HECW1: variants seen among roughly 807,000 people sequenced by gnomAD.
The protein encoded by HECW1 is E3 ubiquitin-protein ligase HECW1.
In HECW1, 61 loss-of-function variants were observed where a neutral mutation model predicts 182.3. The observed-to-expected ratio is 0.33, with a 90% CI of 0.27 to 0.41. The LOEUF (loss-of-function observed/expected upper bound fraction) is 0.41. Among genes scored for constraint, HECW1 ranks in the 10% least tolerant of loss-of-function variants. The pLI is 1.00. For missense variants in HECW1, 1,739 were observed against 2,108.9 expected, an observed-to-expected ratio of 0.82 and a Z score of 3.44; for synonymous variants, 859 against 832.6, an observed-to-expected ratio of 1.03 and a Z score of -0.55.
At chr7:43,128,318 C>T (rs368193410) in intron 2 of HECW1, among the ~76,000 whole-genome samples, 6 of 152,310 alleles carry the variant, frequency 3.9e-5, no homozygotes, top group African/African-American at 1.2e-4. Flanking sequence ...GGGGCTAATG[C>T]AGCTGGTGAC....
At position 43,563,881 on chromosome 7, in the gene HECW1, A is replaced by G. The variant is rs2082272285; in HGVS notation, c.*1955A>G. On this transcript the variant is annotated 3_prime_UTR_variant, in exon 30 of 30. Coordinates refer to ENST00000395891, the MANE Select transcript of HECW1 (RefSeq NM_015052.5). ...GAGACACCATCTAAAAAAAAAATAAATAAAAATAAAAGCATTTTTTTAGTA... is the reference window on the plus strand; with the variant it reads ...GAGACACCATCTAAAAAAAAAATAAGTAAAAATAAAAGCATTTTTTTAGTA... 2 of 181,936 alleles carry G rather than the reference A, an allele frequency of 1.1e-5. No individual in the cohort carries two copies. Among genetic ancestry groups the G allele is most frequent in the Admixed American group, 6.3e-5 (1 of 15,958 alleles). The allele number at this position is 181,936 out of a possible 1,614,324, so 11.3% of individuals were successfully genotyped here. A position where few individuals can be genotyped will look rare whatever the true frequency, so the allele number is the denominator to read the frequency against.
intron 2 of HECW1, among the ~76,000 whole-genome samples, chr7:43,236,425 C>T (rs546233949): frequency 2.6e-5 from 4 of 152,272 alleles, no homozygotes; most frequent in South Asian, 2.1e-4. Flanking sequence ...GCACTCCTGA[C>T]GGTGTCAGGT....
intron 24 of HECW1, among the ~76,000 whole-genome samples, chr7:43,520,345 C>T (rs376850601): frequency 2.0e-5 from 3 of 152,256 alleles, no homozygotes; most frequent in South Asian, 4.1e-4. Flanking sequence ...CTGGACTCCT[C>T]GGATTCTCAG....
rs185325548 is a variant in HECW1, at chr7:43,223,356, G to T, written c.-31-20519G>T. Among the ~76,000 whole-genome samples, 229 of 152,280 alleles carry T rather than the reference G, an allele frequency of 1.5e-3. 2 individuals are homozygous for T. The highest frequency in any genetic ancestry group is 5.3e-3 in the African/African-American group (222 of 41,558). ...GTCAAGGCCAGGCGCCATGGCTCAC[G>T]CCTGTAATCCCAACACTTTGGGAGG... On this transcript the variant is annotated intron_variant, in intron 2 of 29. Transcript: ENST00000395891.
intron 3 of HECW1, among the ~76,000 whole-genome samples, chr7:43,281,391 A>G (rs546320482): frequency 6.6e-6 from 1 of 152,366 alleles, no homozygotes; most frequent in African/African-American, 2.4e-5. Context: ...GCCAAGCTCT[A>G]TACATGAATT....
intron 16 of HECW1, among the ~76,000 whole-genome samples, chr7:43,473,085 A>G (rs1460304187): frequency 6.6e-6 from 1 of 152,200 alleles, no homozygotes. Flanking sequence ...CCTTGCAGCA[A>G]TGAGTGAGTT....
Position 43,432,361 on chromosome 7 carries a change from G to A in HECW1, c.802-5642G>A, listed in dbSNP as rs889951033. Among the ~76,000 whole-genome samples, 6 of 151,574 alleles carry A rather than the reference G, an allele frequency of 4.0e-5. No homozygotes were observed. The highest frequency in any genetic ancestry group is 2.0e-4 in the Admixed American group (3 of 15,232). ...TCACCGTTTTAGCCGGGATGGTCTCGATCTCCTGACCTCGTGATCCGCCCG... is the reference window on the plus strand; with the variant it reads ...TCACCGTTTTAGCCGGGATGGTCTCAATCTCCTGACCTCGTGATCCGCCCG... On this transcript the variant is annotated intron_variant, in intron 8 of 29. Transcript: ENST00000395891. The surrounding 1 kb of genome is among the most constrained non-coding windows in gnomAD (Gnocchi z 4.1).
intron 2 of HECW1, among the ~76,000 whole-genome samples, chr7:43,218,838 C>A (rs1796681167): frequency 6.6e-6 from 1 of 152,084 alleles, no homozygotes; most frequent in South Asian, 2.1e-4. Flanking sequence ...GATAAAATGA[C>A]ACGGACACAC....
intron 8 of HECW1, among the ~76,000 whole-genome samples, chr7:43,410,047 G>A (rs2075747821): frequency 6.6e-6 from 1 of 152,150 alleles, no homozygotes; most frequent in African/African-American, 2.4e-5. Context: ...CAGCTCTCCG[G>A]GCCTGCCACT....
At chr7:43,173,209 T>C (rs1791861707) in intron 2 of HECW1, among the ~76,000 whole-genome samples, 1 of 152,220 alleles carries the variant, frequency 6.6e-6, no homozygotes, top group Admixed American at 6.5e-5. Flanking sequence ...CTGAGTCACC[T>C]GCAAATGGTG....
chr7:43,354,127 A>G (rs895903747), intron 5 of HECW1, among the ~76,000 whole-genome samples: 1 of 152,166 alleles, frequency 6.6e-6, no homozygotes, highest in Non-Finnish European at 1.5e-5. Flanking sequence ...AGTAGGGGAA[A>G]AAAAAGAAAG....
intron 2 of HECW1, among the ~76,000 whole-genome samples, chr7:43,162,466 C>T (rs1360263852): frequency 2.6e-5 from 4 of 152,226 alleles, no homozygotes; most frequent in East Asian, 1.9e-4. Flanking sequence ...CTCTGTCTCT[C>T]CTCTGCGTGT....
intron 2 of HECW1, among the ~76,000 whole-genome samples, chr7:43,240,533 G>A (rs189929776): frequency 1.3e-5 from 2 of 152,294 alleles, no homozygotes; most frequent in East Asian, 3.9e-4. Flanking sequence ...GGTCTGAAGG[G>A]TAACGTGCTT....
intron 12 of HECW1, among the ~76,000 whole-genome samples, chr7:43,454,852 G>A (rs2077348307): frequency 6.6e-6 from 1 of 152,222 alleles, no homozygotes; most frequent in African/African-American, 2.4e-5. Flanking sequence ...TGAAAAGGCT[G>A]GATGGTTTTC....
intron 9 of HECW1, chr7:43,440,228 C>G (rs574561412): frequency 6.5e-6 from 1 of 152,870 alleles, no homozygotes; most frequent in Non-Finnish European, 1.5e-5. Context: ...CATGCTCTCC[C>G]CATAAAGCCC....
intron 2 of HECW1, among the ~76,000 whole-genome samples, chr7:43,231,690 T>C (rs1409110917): frequency 1.3e-5 from 2 of 152,060 alleles, no homozygotes; most frequent in Non-Finnish European, 1.5e-5. Flanking sequence ...GGTGGCAGCA[T>C]TGAGGAGGGC....
chr7:43,136,054 C>T (rs964987247), intron 2 of HECW1, among the ~76,000 whole-genome samples: 20 of 151,458 alleles, frequency 1.3e-4, no homozygotes, highest in Admixed American at 1.1e-3. Flanking sequence ...GAATTGCACT[C>T]CCTATCTGTA....
chr7:43,131,407 C>G (rs1488022255), intron 2 of HECW1, among the ~76,000 whole-genome samples: 1 of 152,162 alleles, frequency 6.6e-6, no homozygotes, highest in Non-Finnish European at 1.5e-5. Flanking sequence ...AATGACCAAC[C>G]CTGCATTTTC....
intron 10 of HECW1, 52 bp downstream of exon 10, chr7:43,442,681 G>A: frequency 8.0e-7 from 1 of 1,246,856 alleles, no homozygotes; most frequent in South Asian, 1.2e-5. Context: ...TCATAAGTGT[G>A]GTTCCTTTTT....
Sources: allele counts gnomAD v4.1 joint callset (sites outside exome capture counted in the v4.1 genomes callset), GRCh38; gene constraint gnomAD v4.1.1; non-coding constraint Gnocchi (gnomAD v3.1); transcripts MANE v1.5; gene names NCBI Gene and HGNC (gene_info 2026-07-23, HGNC 2026-07-21).